The following PIP variants were observed in gnomAD, a reference collection of about 807,000 sequenced individuals.
The protein encoded by PIP is prolactin-inducible protein.
A neutral mutation model predicts 12.8 loss-of-function variants in PIP; 9 were observed. The observed-to-expected ratio is 0.70, with a 90% confidence interval of 0.42 to 1.23. PIP has a LOEUF of 1.23. Ranked by LOEUF, PIP falls within the 50% of genes most tolerant of loss-of-function variation. The pLI is 0.00. For synonymous variants in PIP, 60 were observed against 66.1 expected, an observed-to-expected ratio of 0.91 and a Z score of 0.45; for missense variants, 172 against 179.5, an observed-to-expected ratio of 0.96 and a Z score of 0.24.
chr7:143,139,596 T>C lies in PIP; in HGVS notation c.395T>C (p.Ile132Thr). Residue 132 changes from isoleucine (I) to threonine (T), a missense_variant, in exon 4 of 4, where the codon ATC (isoleucine) becomes ACC (threonine). By Grantham distance (89) the Ile-to-Thr change is moderately conservative. Coordinates refer to ENST00000291009, the MANE Select transcript of PIP (RefSeq NM_002652.3). ...ICPDDAAVIP[I>T]KNNRFYTIEI... The stretch of plus-strand genomic sequence containing the variant: ...CCTGATGATGCTGCTGTAATCCCCA[T>C]CAAAAACAACCGGTTTTATACTATT... 2 of 1,612,512 alleles carry C rather than the reference T, an allele frequency of 1.2e-6. No individual in the cohort carries two copies. The highest frequency in any genetic ancestry group is 1.1e-5 in the South Asian group (1 of 91,068).
Position 143,139,659 on chromosome 7 carries a change from T to C in PIP, c.*17T>C. 1 of 1,601,890 alleles carries C rather than the reference T, an allele frequency of 6.2e-7. No individual in the cohort carries two copies. The highest frequency in any genetic ancestry group is 8.5e-7 in the Non-Finnish European group (1 of 1,170,114). On this transcript the variant is annotated 3_prime_UTR_variant, in exon 4 of 4. Coordinates refer to ENST00000291009, the MANE Select transcript of PIP (RefSeq NM_002652.3). ...GTAGAATAATGGAAGCCCTGTCTGT[T>C]TGCCACACCCAGGTGATTTCCTCTA...
Position 143,139,592 on chromosome 7 carries a change from C to T in PIP, c.391C>T (p.Pro131Ser), listed in dbSNP as rs1440032243. 1 of 1,612,032 alleles carries T rather than the reference C, an allele frequency of 6.2e-7. No individual in the cohort carries two copies. The highest frequency in any genetic ancestry group is 1.7e-5 in the Admixed American group (1 of 59,982). The change falls in exon 4 of 4, where the codon CCC becomes TCC. Residue 131 changes from proline to serine, a missense_variant. Pro to Ser is a moderately conservative substitution (Grantham distance 74, BLOSUM62 -1). Coordinates refer to ENST00000291009, the MANE Select transcript of PIP (RefSeq NM_002652.3). The stretch of plus-strand genomic sequence containing the variant: ...CTGCCCTGATGATGCTGCTGTAATC[C>T]CCATCAAAAACAACCGGTTTTATAC... ...GICPDDAAVI[P>S]IKNNRFYTIE...
At chr7:143,135,930 T>G (rs1158827565) in intron 2 of PIP, among the ~76,000 whole-genome samples, 1 of 152,042 alleles carries the variant, frequency 6.6e-6, no homozygotes, top group African/African-American at 2.4e-5. Context: ...TAAAACTCAC[T>G]CGGGGATCTT....
chr7:143,139,385 A>T, intron 3 of PIP, 133 bp from the exon 4 acceptor site: 1 of 1,182,664 alleles, frequency 8.5e-7, no homozygotes, highest in East Asian at 2.4e-5. Context: ...GAGTGCAAAA[A>T]GTTGATACAG....
intron 3 of PIP, 91 bp downstream of exon 3, chr7:143,139,280 G>A (rs1799343101): frequency 7.8e-6 from 7 of 902,026 alleles, no homozygotes; most frequent in Non-Finnish European, 1.1e-5. Context: ...AACCGAGCAG[G>A]ACCAGGACCT....
chr7:143,132,996 A>C lies in PIP; in HGVS notation c.95+785A>C, dbSNP rs909883082. Among the ~76,000 whole-genome samples, 4 of 151,972 alleles carry C rather than the reference A, an allele frequency of 2.6e-5. 1 individual carries two copies. Among genetic ancestry groups the C allele is most frequent in the Non-Finnish European group, 5.9e-5 (4 of 67,958 alleles). ...TGGTCAGATATCCTGTCCTGGAGGA[A>C]ACTGTTCAGGGTTTTGACAAGCTAA... On this transcript the variant is annotated intron_variant, in intron 1 of 3. Coordinates refer to ENST00000291009, the MANE Select transcript of PIP (RefSeq NM_002652.3).
At chr7:143,138,981 T>C in intron 2 of PIP, 94 bp from the exon 3 acceptor site, 11 of 719,428 alleles carry the variant, frequency 1.5e-5, no homozygotes, top group Non-Finnish European at 2.3e-5. Flanking sequence ...CCACCCCCAC[T>C]CTTCTCCTCC....
intron 2 of PIP, among the ~76,000 whole-genome samples, chr7:143,136,165 C>A (rs970006851): frequency 6.6e-6 from 1 of 151,930 alleles, no homozygotes; most frequent in Non-Finnish European, 1.5e-5. Context: ...GGTTGTGTGT[C>A]CTTTTCCTAG....
rs758593521 is a variant in PIP, at chr7:143,139,132, A to G, written c.259A>G (p.Thr87Ala). Residue 87 changes from threonine to alanine, a missense_variant, in exon 3 of 4, where the codon ACT becomes GCT. Thr to Ala is a moderately conservative substitution (Grantham distance 58). Coordinates refer to ENST00000291009, the MANE Select transcript of PIP (RefSeq NM_002652.3). Reference protein sequence around the residue: ...PLQGAFNYKYTACLCDDNPKT... With the variant: ...PLQGAFNYKYAACLCDDNPKT... ...ACAAGGTGCATTTAACTATAAGTAT[A>G]CTGCCTGCCTATGTGACGACAATCC... The G allele has an allele frequency of 1.2e-6, 2 of 1,606,358 alleles. No homozygotes were observed. The highest frequency in any genetic ancestry group is 1.7e-6 in the Non-Finnish European group (2 of 1,172,852).
At chr7:143,133,582 C>T (rs1315408917) in intron 1 of PIP, among the ~76,000 whole-genome samples, 2 of 152,152 alleles carry the variant, frequency 1.3e-5, no homozygotes, top group Admixed American at 6.5e-5. Flanking sequence ...TGAAGAAGAA[C>T]ATTTGACCAT....
At chr7:143,132,887 C>G (rs1006939308) in intron 1 of PIP, among the ~76,000 whole-genome samples, 2 of 151,922 alleles carry the variant, frequency 1.3e-5, no homozygotes, top group African/African-American at 4.8e-5. Flanking sequence ...GCAGCGATAC[C>G]CAATCTAGGG....
At chr7:143,135,412 C>G (rs965647752) in intron 2 of PIP, 113 bp downstream of exon 2, 4 of 520,060 alleles carry the variant, frequency 7.7e-6, no homozygotes, top group African/African-American at 7.5e-5. Context: ...AACATTCTCA[C>G]TTATGTTATG....
intron 1 of PIP, 49 bp downstream of exon 1, chr7:143,132,260 C>T: frequency 6.3e-7 from 1 of 1,595,750 alleles, no homozygotes; most frequent in Non-Finnish European, 8.6e-7. Context: ...AGGGAGGGCT[C>T]CTCTCCCAGT....
At position 143,134,233 on chromosome 7, in the gene PIP, T is replaced by TATAA. The variant is rs1277832613; in HGVS notation, c.96-960_96-959insTAAA. Among the ~76,000 whole-genome samples, 54 of 86,382 alleles carry TATAA rather than the reference T, an allele frequency of 6.3e-4. 4 individuals carry two copies. The highest frequency in any genetic ancestry group is 2.4e-3 in the African/African-American group (51 of 21,544). 56.7% of individuals were successfully genotyped at this position (86,382 alleles called of 152,430 possible). ...ATATATATATATATATATATATATA[T>TATAA]ACCACAGTTTCTTTATCCACTCGTT... On this transcript the variant is annotated intron_variant, in intron 1 of 3. Transcript: ENST00000291009.
chr7:143,132,426 C>T (rs1338744779), intron 1 of PIP, among the ~76,000 whole-genome samples: 1 of 152,114 alleles, frequency 6.6e-6, no homozygotes, highest in Non-Finnish European at 1.5e-5. Context: ...TCTGCATTGC[C>T]AGTGGAAATA....
Position 143,139,617 on chromosome 7 carries a change from C to T in PIP, c.416C>T (p.Thr139Ile), listed in dbSNP as rs769055140. The T allele has an allele frequency of 5.5e-5, 88 of 1,612,184 alleles. No homozygotes were observed. Among genetic ancestry groups the T allele is most frequent in the Non-Finnish European group, 6.9e-5 (81 of 1,178,436 alleles). ...VIPIKNNRFY[T>I]IEILKVE ...CCCATCAAAAACAACCGGTTTTATA[C>T]TATTGAAATCCTAAAGGTAGAATAA... Residue 139 changes from threonine (T) to isoleucine (I), a missense_variant, in exon 4 of 4, where the codon ACT (threonine) becomes ATT (isoleucine). Transcript: ENST00000291009.
chr7:143,133,713 A>G (rs1156239928), intron 1 of PIP, among the ~76,000 whole-genome samples: 2 of 152,044 alleles, frequency 1.3e-5, no homozygotes, highest in Non-Finnish European at 2.9e-5. Context: ...AAATAAATAC[A>G]AATTCCTAAA....
At chr7:143,137,434 CATT>C (rs927569226) in intron 2 of PIP, among the ~76,000 whole-genome samples, 1 of 152,100 alleles carries the variant, frequency 6.6e-6, no homozygotes, top group Non-Finnish European at 1.5e-5. Context: ...TCTATGAACA[CATT>C]ATCTGTGTGA....
intron 2 of PIP, among the ~76,000 whole-genome samples, chr7:143,137,768 C>T (rs972182306): frequency 5.3e-5 from 8 of 151,866 alleles, no homozygotes; most frequent in Non-Finnish European, 1.2e-4. Flanking sequence ...GGGCTGGTAG[C>T]ACGCACCTGT....
Sources: allele counts gnomAD v4.1 joint callset (sites outside exome capture counted in the v4.1 genomes callset), GRCh38; gene constraint gnomAD v4.1.1; transcripts MANE v1.5; gene names NCBI Gene and HGNC (gene_info 2026-07-23, HGNC 2026-07-21).